Variants in SLC4A9 observed in about 807,000 individuals in gnomAD.
SLC4A9 encodes the protein anion exchange protein 4.
SLC4A9 carries 102 observed loss-of-function variants against 103.2 expected under a neutral mutation model. That is an observed-to-expected ratio of 0.99 (90% CI 0.84 to 1.17). SLC4A9 has a LOEUF of 1.17. Ranked by LOEUF, SLC4A9 falls within the 50% of genes most tolerant of loss-of-function variation. SLC4A9 has a pLI of 0.00. For synonymous variants in SLC4A9, 453 were observed against 483.6 expected (o/e 0.94, Z 0.83); for missense variants, 1,091 against 1,193.7 (o/e 0.91, Z 1.27).
chr5:140,364,256 T>A, intron 10 of SLC4A9, 69 bp downstream of exon 10: 1 of 1,578,348 alleles, frequency 6.3e-7, no homozygotes. Context: ...GCTGGGTGAA[T>A]AGGAGAGAGT....
intron 17 of SLC4A9, 113 bp from the exon 18 acceptor site, chr5:140,370,982 C>A: frequency 2.4e-6 from 2 of 847,422 alleles, no homozygotes; most frequent in Non-Finnish European, 3.8e-6. Context: ...AAGGCAAGGC[C>A]TGGGCAGACC....
intron 2 of SLC4A9, 36 bp from the exon 3 acceptor site, chr5:140,361,218 T>A (rs1374280241): frequency 6.6e-7 from 1 of 1,518,708 alleles, no homozygotes; most frequent in African/African-American, 1.4e-5. Context: ...GGCAGGGAAC[T>A]CTCAGGAAGG....
chr5:140,361,635 T>G (rs1767098806), intron 3 of SLC4A9, among the ~76,000 whole-genome samples, 173 bp from the exon 4 acceptor site: 1 of 152,226 alleles, frequency 6.6e-6, no homozygotes, highest in African/African-American at 2.4e-5. Flanking sequence ...ACAACCACCC[T>G]GTAAATAGTA....
chr5:140,366,220 C>T lies in SLC4A9; in HGVS notation c.1969C>T (p.Leu657=), dbSNP rs765730697. 6.2e-7 allele frequency: 1 copy of T among 1,606,460 alleles called. No individual in the cohort carries two copies. Among genetic ancestry groups the T allele is most frequent in the Non-Finnish European group, 8.5e-7 (1 of 1,176,124 alleles). ...ILLGCGLDAF[L]GLATPKLMVP... Reference sequence around the variant, plus strand: ...GCTCGGCTGTGGCCTTGATGCTTTCCTGGGCCTAGCCACACCAAAGCTCAT... The same window carrying T: ...GCTCGGCTGTGGCCTTGATGCTTTCTTGGGCCTAGCCACACCAAAGCTCAT... The change falls in exon 14 of 22, where the codon CTG becomes TTG. Residue 657 remains leucine, a synonymous_variant. Coordinates refer to ENST00000506757, the MANE Select transcript of SLC4A9 (RefSeq NM_031467.3).
intron 21 of SLC4A9, among the ~76,000 whole-genome samples, chr5:140,374,555 A>G: frequency 6.7e-6 from 1 of 148,228 alleles, no homozygotes. Flanking sequence ...CCTCTCAAAA[A>G]AAAAAAAAAA....
chr5:140,367,501 G>A lies in SLC4A9; in HGVS notation c.2095G>A (p.Ala699Thr). ...WWWSVAAALP[A>T]LLLSILIFMD... ...GTGGAGTGTGGCAGCTGCCCTGCCT[G>A]CCCTGCTGCTGTCTATCCTCATCTT... The change falls in exon 15 of 22, where the codon GCC becomes ACC. Residue 699 changes from alanine (A) to threonine (T), a missense_variant. Coordinates refer to ENST00000506757, the MANE Select transcript of SLC4A9 (RefSeq NM_031467.3). 1.2e-6 allele frequency: 2 copies of A among 1,605,526 alleles called. No individual in the cohort carries two copies. The highest frequency in any genetic ancestry group is 1.7e-6 in the Non-Finnish European group (2 of 1,176,416).
chr5:140,360,550 G>T, intron 1 of SLC4A9, 84 bp downstream of exon 1: 1 of 1,314,428 alleles, frequency 7.6e-7, no homozygotes, highest in South Asian at 1.4e-5. Context: ...GCTTCTTATG[G>T]GGCTGCCCAA....
intron 16 of SLC4A9, 67 bp from the exon 17 acceptor site, chr5:140,368,520 A>G: frequency 1.4e-6 from 2 of 1,400,526 alleles, no homozygotes; most frequent in Admixed American, 1.9e-5. Flanking sequence ...GTATTCAGCC[A>G]GGATCTCCAG....
At chr5:140,369,045 A>G (rs533359093) in intron 17 of SLC4A9, among the ~76,000 whole-genome samples, 4 of 152,290 alleles carry the variant, frequency 2.6e-5, no homozygotes, top group Admixed American at 1.3e-4. Context: ...TGATCAGCCC[A>G]GGTGCGGTGG....
At chr5:140,364,992 C>T (rs184978077) in intron 11 of SLC4A9, among the ~76,000 whole-genome samples, 172 of 152,216 alleles carry the variant, frequency 1.1e-3, no homozygotes, top group African/African-American at 4.0e-3. Flanking sequence ...AGCTTATACT[C>T]GAGAGAGGGG....
chr5:140,362,644 T>TTTAGGGACACATACAGA, intron 6 of SLC4A9, 112 bp downstream of exon 6: 2 of 1,143,692 alleles, frequency 1.7e-6, no homozygotes, highest in Non-Finnish European at 1.3e-6. Context: ...GGACTCTGTA[T>TTTAGGGACACATACAGA]GTGTCCCTAA....
Position 140,365,866 on chromosome 5 carries a change from G to T in SLC4A9, c.1743G>T (p.Pro581=). 6.2e-7 allele frequency: 1 copy of T among 1,613,766 alleles called. No homozygotes were observed. The highest frequency in any genetic ancestry group is 2.2e-5 in the East Asian group (1 of 44,880). The change falls in exon 13 of 22, where the codon CCG becomes CCT. Residue 581 remains proline, a synonymous_variant. Transcript: ENST00000506757. The part of the protein sequence containing the change: ...DLGLINASLL[P]PPECTRQGGH... ...GCCTGATCAATGCATCCTTGCTGCCGCCACCTGAGTGCACCCGGCAGGGAG... is the reference window on the plus strand; with the variant it reads ...GCCTGATCAATGCATCCTTGCTGCCTCCACCTGAGTGCACCCGGCAGGGAG...
Position 140,362,095 on chromosome 5 carries a change from G to A in SLC4A9, c.640G>A (p.Ala214Thr), listed in dbSNP as rs1186874053. ...GCTGGCAGGGGAGCTGGGCTTCCTG[G>A]CACAGCCACTGGGAGCCTTTGTTCG... ...TVLAGELGFL[A>T]QPLGAFVRLR... Residue 214 changes from alanine to threonine, a missense_variant, in exon 5 of 22, where the codon GCA (alanine) becomes ACA (threonine). Coordinates refer to ENST00000506757, the MANE Select transcript of SLC4A9 (RefSeq NM_031467.3). 6 of 1,582,148 alleles carry A rather than the reference G, an allele frequency of 3.8e-6. No individual in the cohort carries two copies. The highest frequency in any genetic ancestry group is 1.4e-5 in the African/African-American group (1 of 72,474).
chr5:140,372,198 A>G, intron 19 of SLC4A9, 44 bp from the exon 20 acceptor site: 1 of 1,483,374 alleles, frequency 6.7e-7, no homozygotes. Flanking sequence ...TAATGTTCCT[A>G]CTACTGTTGC....
intron 17 of SLC4A9, among the ~76,000 whole-genome samples, chr5:140,369,015 C>T (rs551152660): frequency 6.6e-6 from 1 of 152,294 alleles, no homozygotes; most frequent in East Asian, 1.9e-4. Flanking sequence ...AGCCTCCCAA[C>T]AAACCTGAGA....
rs1767322408 is a variant in SLC4A9 at position 140,362,956 on chromosome 5, T to C, written c.852T>C (p.Leu284=). The change falls in exon 7 of 22, where the codon CTT becomes CTC. Residue 284 remains leucine, a synonymous_variant. Coordinates refer to ENST00000506757, the MANE Select transcript of SLC4A9 (RefSeq NM_031467.3). ...GTCGGGCCAGCAACCTTCATGACCT[T>C]CTGGCAGCCCTGGATGCATTCCTAG... ...SVRRASNLHD[L]LAALDAFLEE... 1 of 1,613,866 alleles carries C rather than the reference T, an allele frequency of 6.2e-7. No individual in the cohort carries two copies.
chr5:140,367,844 G>C lies in SLC4A9; in HGVS notation c.2300G>C (p.Arg767Pro). The C allele has an allele frequency of 6.2e-7, 1 of 1,613,932 alleles. No individual in the cohort carries two copies. The highest frequency in any genetic ancestry group is 8.5e-7 in the Non-Finnish European group (1 of 1,179,868). The change falls in exon 16 of 22, where the codon CGG becomes CCG. Residue 767 changes from arginine to proline, a missense_variant. Transcript: ENST00000506757. ...TCCCTGGCTCACATGGACAGTCTTC[G>C]GAGAGAGAGCAGAGCCTGTGCCCCC... Reference protein sequence around the residue: ...VISLAHMDSLRRESRACAPGE... With the variant: ...VISLAHMDSLPRESRACAPGE...
At chr5:140,366,448 C>T (rs899301910) in intron 14 of SLC4A9, among the ~76,000 whole-genome samples, 184 bp downstream of exon 14, 2 of 152,130 alleles carry the variant, frequency 1.3e-5, no homozygotes, top group African/African-American at 4.8e-5. Flanking sequence ...GCAGCAGACA[C>T]GTGAGTACAG....
rs1245823655 is a variant in SLC4A9, at chr5:140,363,006, G to C, written c.902G>C (p.Gly301Ala). 1 of 1,612,584 alleles carries C rather than the reference G, an allele frequency of 6.2e-7. No individual in the cohort carries two copies. The highest frequency in any genetic ancestry group is 1.1e-5 in the South Asian group (1 of 90,918). ...FLEEVTVLPP[G>A]RWDPTARIPP... Reference sequence around the variant, plus strand: ...GAGGAGGTGACAGTGCTTCCCCCAGGTCGGTGGGACCCAACAGCCCGGATT... The same window carrying C: ...GAGGAGGTGACAGTGCTTCCCCCAGCTCGGTGGGACCCAACAGCCCGGATT... The change falls in exon 7 of 22, where the codon GGT (glycine) becomes GCT (alanine). Residue 301 changes from glycine to alanine, a missense_variant. Transcript: ENST00000506757. This position sits in a 1 kb window ranked among gnomAD's most constrained non-coding sequence, Gnocchi z 4.5.
Sources: allele counts gnomAD v4.1 joint callset (sites outside exome capture counted in the v4.1 genomes callset), GRCh38; gene constraint gnomAD v4.1.1; non-coding constraint Gnocchi (gnomAD v3.1); transcripts MANE v1.5; gene names NCBI Gene and HGNC (gene_info 2026-07-23, HGNC 2026-07-21).